Variants in DOCK8 observed in about 807,000 individuals in gnomAD.
The protein encoded by DOCK8 is dedicator of cytokinesis protein 8.
Under a neutral mutation model 245.6 loss-of-function variants are expected in DOCK8, and 141 were observed. The observed-to-expected ratio is 0.57, with a 90% CI of 0.50 to 0.66. The LOEUF (loss-of-function observed/expected upper bound fraction) is 0.66, where lower values mean the gene tolerates loss of function less well. Ranked by LOEUF, DOCK8 falls within the 30% of genes least tolerant of loss-of-function variation. DOCK8 has a pLI of 0.00. For synonymous variants in DOCK8, 1,168 were observed against 970.2 expected (o/e 1.20, Z -3.79); for missense variants, 2,965 against 2,603.4 (o/e 1.14, Z -3.02).
In DOCK8 at chr9:464,795, G is replaced by A. The variant is rs1429329067; in HGVS notation, c.*576G>A. The A allele has an allele frequency of 6.1e-6, 1 of 163,890 alleles. No individual in the cohort carries two copies. The highest frequency in any genetic ancestry group is 1.7e-4 in the East Asian group (1 of 5,796). The allele number at this position is 163,890 out of a possible 1,614,324, so 10.2% of individuals were successfully genotyped here. A position where few individuals can be genotyped will look rare whatever the true frequency, so the allele number is the denominator to read the frequency against. ...AACTTGTTACCCTTTTGGTAATGGT[G>A]GACTAATTGCTGTATAGTTATTTTT... is the stretch of plus-strand genomic sequence containing the variant. On this transcript the variant is annotated 3_prime_UTR_variant, in exon 48 of 48. Transcript: ENST00000432829.
rs148134127 is a variant in DOCK8, at chr9:439,347, C to T, written c.5182C>T (p.Leu1728=). The T allele has an allele frequency of 3.2e-5, 51 of 1,613,990 alleles. No homozygotes were observed. The highest frequency in any genetic ancestry group is 3.6e-5 in the Non-Finnish European group (42 of 1,180,042). The change falls in exon 40 of 48, where the codon CTG becomes TTG. Residue 1728 remains leucine, a synonymous_variant. Coordinates refer to ENST00000432829, the MANE Select transcript of DOCK8 (RefSeq NM_203447.4). ...CAGQYFTESG[L]VGLLEQAAEL... is the part of the protein sequence containing the mutation. ...AGGCCAGTACTTCACCGAGAGTGGCCTGGTAGGCCTCCTGGAGCAGGCCGC... is the reference window on the plus strand; with the variant it reads ...AGGCCAGTACTTCACCGAGAGTGGCTTGGTAGGCCTCCTGGAGCAGGCCGC...
intron 44 of DOCK8, among the ~76,000 whole-genome samples, chr9:446,876 T>A (rs1272339166): frequency 6.6e-6 from 1 of 151,376 alleles, no homozygotes; most frequent in Non-Finnish European, 1.5e-5. Context: ...TTATAATATT[T>A]AATATATATT....
At chr9:217,217 A>C (rs879757723) in intron 1 of DOCK8, among the ~76,000 whole-genome samples, 1 of 152,196 alleles carries the variant, frequency 6.6e-6, no homozygotes, top group Non-Finnish European at 1.5e-5. Context: ...AATAATTCTT[A>C]GTTGCCATCA....
intron 1 of DOCK8, among the ~76,000 whole-genome samples, chr9:263,198 T>G (rs2047960002): frequency 7.2e-6 from 1 of 138,642 alleles, no homozygotes; most frequent in South Asian, 2.5e-4. Flanking sequence ...CAGAGGGAGA[T>G]TCCATCTCAA....
At chr9:234,415 C>G (rs951643339) in intron 1 of DOCK8, among the ~76,000 whole-genome samples, 1 of 152,094 alleles carries the variant, frequency 6.6e-6, no homozygotes. Flanking sequence ...GTGGCGTTCT[C>G]TGTATTTTCT....
In DOCK8 at chr9:396,785, G is replaced by A. The variant is rs371693235; in HGVS notation, c.2971G>A (p.Val991Met). ...ACATTTCCTCCATCCCCCTCCGCAG[G>A]TGAAAAGCATGGCCCAGCACGTACA... is the stretch of plus-strand genomic sequence containing the variant. Reference protein sequence around the residue: ...KYAWFFFELLVKSMAQHVHNM... With the variant: ...KYAWFFFELLMKSMAQHVHNM... The change falls in exon 25 of 48, where the codon GTG becomes ATG. Residue 991 changes from valine (V) to methionine (M), a missense_variant and splice_region_variant. Val to Met is a conservative substitution (Grantham distance 21, BLOSUM62 1). Around this residue, in one of 3 missense-constraint regions of DOCK8, gnomAD observed 2,825 missense variants for 2,453.5 expected, o/e 1.15. Transcript: ENST00000432829. 1 of 1,614,104 alleles carries A rather than the reference G, an allele frequency of 6.2e-7. No homozygotes were observed. The highest frequency in any genetic ancestry group is 2.2e-5 in the East Asian group (1 of 44,890).
At chr9:394,930 T>C (rs1015654739) in intron 24 of DOCK8, among the ~76,000 whole-genome samples, 1 of 152,128 alleles carries the variant, frequency 6.6e-6, no homozygotes, top group African/African-American at 2.4e-5. Context: ...ATGTATTTGG[T>C]TGTAGGATGG....
intron 29 of DOCK8, among the ~76,000 whole-genome samples, chr9:415,530 G>A (rs1404683115): frequency 6.6e-6 from 1 of 151,990 alleles, no homozygotes; most frequent in Non-Finnish European, 1.5e-5. Context: ...AAGGGGTTTT[G>A]TGAAACCCCA....
intron 29 of DOCK8, 43 bp downstream of exon 29, chr9:414,994 C>T (rs767035564): frequency 1.3e-5 from 21 of 1,609,254 alleles, no homozygotes; most frequent in Non-Finnish European, 1.8e-5. Context: ...TTGGGGGCCC[C>T]TGCCAAATGC....
chr9:293,954 C>G (rs1243943142), intron 4 of DOCK8, among the ~76,000 whole-genome samples: 3 of 152,230 alleles, frequency 2.0e-5, no homozygotes, highest in Non-Finnish European at 4.4e-5. Context: ...GTGTCCTACC[C>G]TTCCCTTAAC....
At position 214,949 on chromosome 9, in the gene DOCK8, C is replaced by G. The variant is rs1179633399; in HGVS notation, c.-28C>G. The G allele has an allele frequency of 2.5e-6, 4 of 1,603,416 alleles. No homozygotes were observed. Among genetic ancestry groups the G allele is most frequent in the Non-Finnish European group, 3.4e-6 (4 of 1,176,918 alleles). The stretch of plus-strand genomic sequence containing the variant: ...CCCCCGCTTTCCGCACCCCGCGACC[C>G]TAGAAGCCACCGAACCGCCGGCGGG... On this transcript the variant is annotated 5_prime_UTR_variant, in exon 1 of 48. Transcript: ENST00000432829.
At chr9:450,139 C>T (rs932977029) in intron 45 of DOCK8, among the ~76,000 whole-genome samples, 1 of 152,126 alleles carries the variant, frequency 6.6e-6, no homozygotes, top group African/African-American at 2.4e-5. Flanking sequence ...AAAAAGAAAT[C>T]CTAGAGATGA....
At chr9:242,792 ACGGAAT>A (rs2047405009) in intron 1 of DOCK8, among the ~76,000 whole-genome samples, 1 of 149,644 alleles carries the variant, frequency 6.7e-6, no homozygotes, top group Admixed American at 6.7e-5. Context: ...CTGGCCTTCC[ACGGAAT>A]CTGTTGAGCT....
intron 1 of DOCK8, among the ~76,000 whole-genome samples, chr9:262,724 GTC>G (rs1554648311): frequency 2.0e-5 from 3 of 151,970 alleles, no homozygotes; most frequent in Non-Finnish European, 4.4e-5. Context: ...TGTAGTAATG[GTC>G]TCATGGGTCT....
rs2049723197 is a variant in DOCK8, at chr9:304,585, C to G, written c.409C>G (p.Gln137Glu). The G allele has an allele frequency of 6.2e-7, 1 of 1,614,068 alleles. No individual in the cohort carries two copies. Among genetic ancestry groups the G allele is most frequent in the Non-Finnish European group, 8.5e-7 (1 of 1,179,978 alleles). Residue 137 changes from glutamine (Q) to glutamate (E), a missense_variant, in exon 5 of 48, where the codon CAA becomes GAA. Physicochemically the swap from Gln to Glu is conservative, Grantham distance 29. Transcript: ENST00000432829. The stretch of plus-strand genomic sequence containing the variant: ...ATTAAATATCAACCATAAAAGAAAC[C>G]AAGGAAGTCCAGAAATCTGTGGCTT... ...REWLIVNRKNQGSPEICGFKK... is the reference protein window; with the variant it reads ...REWLIVNRKNEGSPEICGFKK...
intron 13 of DOCK8, among the ~76,000 whole-genome samples, chr9:339,809 C>T (rs997400356): frequency 2.6e-5 from 4 of 152,216 alleles, no homozygotes; most frequent in South Asian, 4.1e-4. Context: ...CCACCACATC[C>T]GGCTGGAAGC....
chr9:443,555 A>T lies in DOCK8; in HGVS notation c.5580+39A>T, dbSNP rs1420657638. 2.0e-6 allele frequency: 3 copies of T among 1,512,906 alleles called. No homozygotes were observed. The Admixed American group carries it at 5.0e-5, about 25-fold the overall frequency. 93.7% of individuals were successfully genotyped at this position (1,512,906 alleles called of 1,614,324 possible). A position where few individuals can be genotyped will look rare whatever the true frequency, so the allele number is the denominator to read the frequency against. Reference sequence around the variant, plus strand: ...TACAAAAACTAACCATCAAGCTCTAAATCCCTTCGTTCTCTACCCAAGAAT... The same window carrying T: ...TACAAAAACTAACCATCAAGCTCTATATCCCTTCGTTCTCTACCCAAGAAT... On this transcript the variant is annotated intron_variant, in intron 43 of 47. Transcript: ENST00000432829.
rs1554690179 is a variant in DOCK8 at position 395,566 on chromosome 9, A to AG, written c.2971-1219_2971-1218insG. Among the ~76,000 whole-genome samples, 10 of 151,078 alleles carry AG rather than the reference A, an allele frequency of 6.6e-5. No homozygotes were observed. In the East Asian group the frequency reaches 1.5e-3, roughly 23 times the overall value. On this transcript the variant is annotated intron_variant, in intron 24 of 47. Transcript: ENST00000432829. ...TAGTAGTAGTAGTAGTAGTAGTAGT[A>AG]TTGCAGTGGCTGTCTGACTAATCTA...
chr9:271,243 A>C (rs1470688107), intron 1 of DOCK8, among the ~76,000 whole-genome samples: 1 of 152,228 alleles, frequency 6.6e-6, no homozygotes, highest in Non-Finnish European at 1.5e-5. Context: ...GGCTGGATCA[A>C]AATGGCAGCT....
Sources: gnomAD v4.1 joint callset for allele counts (sites outside exome capture counted in the v4.1 genomes callset) on GRCh38, gnomAD v4.1.1 for gene constraint, gnomAD v4.1.1 regional missense constraint, MANE v1.5 for transcripts, NCBI Gene and HGNC (gene_info 2026-07-23, HGNC 2026-07-21) for gene names.